BCL2: variants seen among roughly 807,000 people sequenced by gnomAD.
BCL2 encodes apoptosis regulator Bcl-2.
BCL2 carries 1 observed loss-of-function variant against 14.2 expected under a neutral mutation model. The ratio of observed to expected loss-of-function variants is 0.07; its 90% CI spans 0.02 to 0.33. The LOEUF (loss-of-function observed/expected upper bound fraction) is 0.33, where lower values mean the gene tolerates loss of function less well. Among genes scored for constraint, BCL2 ranks in the 10% least tolerant of loss-of-function variants. BCL2 has a pLI of 0.99. For synonymous variants in BCL2, 151 were observed against 137.2 expected, an observed-to-expected ratio of 1.10 and a Z score of -0.70; for missense variants, 247 against 305.9, an observed-to-expected ratio of 0.81 and a Z score of 1.44.
intron 2 of BCL2, among the ~76,000 whole-genome samples, chr18:63,296,531 T>C (rs1009441051): frequency 1.3e-5 from 2 of 152,208 alleles, no homozygotes; most frequent in East Asian, 3.9e-4. Context: ...CTTGAACACC[T>C]GGGCTCAAGT....
chr18:63,243,303 G>C (rs1911063906), intron 2 of BCL2, among the ~76,000 whole-genome samples: 1 of 152,144 alleles, frequency 6.6e-6, no homozygotes, highest in African/African-American at 2.4e-5. Context: ...ATTAGTGGGA[G>C]CTAACTGATG....
chr18:63,239,879 G>GA, intron 2 of BCL2, among the ~76,000 whole-genome samples: 1 of 152,194 alleles, frequency 6.6e-6, no homozygotes, highest in Non-Finnish European at 1.5e-5. Context: ...AGGGAAATGG[G>GA]AACTTACCAA....
In BCL2 at chr18:63,254,586, G is replaced by T. The variant is rs186617611; in HGVS notation, c.585+63496C>A. Among the ~76,000 whole-genome samples, 8 of 151,846 alleles carry T rather than the reference G, an allele frequency of 5.3e-5. No homozygotes were observed. The East Asian group carries it at 1.4e-3, about 26-fold the overall frequency. On this transcript the variant is annotated intron_variant, in intron 2 of 2. Coordinates refer to ENST00000333681, the MANE Select transcript of BCL2 (RefSeq NM_000633.3). ...AAAAAATGGAATTCCTTCTTCTTCTGATGAGTGCTTCTCATCATTGGGGTC... is the reference window on the plus strand; with the variant it reads ...AAAAAATGGAATTCCTTCTTCTTCTTATGAGTGCTTCTCATCATTGGGGTC...
In BCL2 at chr18:63,180,157, C is replaced by G. The variant is rs147955892; in HGVS notation, c.586-51398G>C. On this transcript the variant is annotated intron_variant, in intron 2 of 2. Coordinates refer to ENST00000333681, the MANE Select transcript of BCL2 (RefSeq NM_000633.3). ...CCTCCCTTCTTCTCCCTTCCAAACC[C>G]ACTACACATGCCTAGCTGATATTTT... 7.1e-3 allele frequency among the ~76,000 whole-genome samples: 1,081 copies of G among 152,330 alleles called. 5 individuals carry two copies. The highest frequency in any genetic ancestry group is 0.017 in the Middle Eastern group (5 of 294).
At chr18:63,259,090 C>T (rs1197248238) in intron 2 of BCL2, among the ~76,000 whole-genome samples, 2 of 152,080 alleles carry the variant, frequency 1.3e-5, no homozygotes, top group Admixed American at 6.5e-5. Context: ...GGAGGATCTT[C>T]GCACTGTGGT....
intron 2 of BCL2, among the ~76,000 whole-genome samples, chr18:63,155,587 C>T (rs1348883150): frequency 6.6e-6 from 1 of 152,120 alleles, no homozygotes; most frequent in Non-Finnish European, 1.5e-5. Flanking sequence ...TTCTGCTGCT[C>T]TCTGCTTCCC....
chr18:63,129,009 CTA>C (rs1913990873), intron 2 of BCL2, among the ~76,000 whole-genome samples: 1 of 152,202 alleles, frequency 6.6e-6, no homozygotes, highest in South Asian at 2.1e-4. Flanking sequence ...ATAAAATAGA[CTA>C]AAAGTTCCTA....
Position 63,318,767 on chromosome 18 carries a change from T to C in BCL2, c.-101A>G. 6.5e-7 allele frequency: 1 copy of C among 1,539,094 alleles called. No homozygotes were observed. Among genetic ancestry groups the C allele is most frequent in the Non-Finnish European group, 8.7e-7 (1 of 1,145,634 alleles). ...AAGAGGAGTTATAATCCAGCTATTT[T>C]ATTGGATGTGCTTTGCATTCTTGGA... On this transcript the variant is annotated 5_prime_UTR_variant, in exon 2 of 3. In the 5' UTR this introduces an upstream ATG that the reference lacks. Coordinates refer to ENST00000333681, the MANE Select transcript of BCL2 (RefSeq NM_000633.3). This position sits in a 1 kb window ranked among gnomAD's most constrained non-coding sequence, Gnocchi z 7.4.
intron 2 of BCL2, among the ~76,000 whole-genome samples, chr18:63,211,754 C>A (rs933288920): frequency 6.6e-6 from 1 of 152,218 alleles, no homozygotes; most frequent in Non-Finnish European, 1.5e-5. Flanking sequence ...CCTACTGTGG[C>A]TGCAAGCTGT....
At chr18:63,189,673 C>T (rs1490280087) in intron 2 of BCL2, among the ~76,000 whole-genome samples, 1 of 151,924 alleles carries the variant, frequency 6.6e-6, no homozygotes, top group African/African-American at 2.4e-5. Flanking sequence ...CGAATTATAC[C>T]TGGGAAAACG....
In BCL2 at chr18:63,286,687, A is replaced by G. The variant is rs75103376; in HGVS notation, c.585+31395T>C. Among the ~76,000 whole-genome samples the G allele has an allele frequency of 1.2e-3, 175 of 152,170 alleles. 2 individuals are homozygous for G. The highest frequency in any genetic ancestry group is 3.8e-3 in the African/African-American group (157 of 41,512). ...AGGTCATTGAAGGGGAGGTAGGAGG[A>G]TTTGGTTTGCGGCAGTTTCCAGGTG... is the stretch of plus-strand genomic sequence containing the variant. On this transcript the variant is annotated intron_variant, in intron 2 of 2. Transcript: ENST00000333681.
intron 2 of BCL2, among the ~76,000 whole-genome samples, chr18:63,261,694 T>C (rs1019334946): frequency 6.6e-6 from 1 of 152,172 alleles, no homozygotes; most frequent in Non-Finnish European, 1.5e-5. Flanking sequence ...AAAAATAAAA[T>C]GTCCTATCCT....
chr18:63,240,419 T>A (rs1910967588), intron 2 of BCL2, among the ~76,000 whole-genome samples: 1 of 152,228 alleles, frequency 6.6e-6, no homozygotes, highest in Admixed American at 6.5e-5. Flanking sequence ...CCTTCTGTCT[T>A]CCCACCCTGA....
At chr18:63,211,692 C>T (rs1910009354) in intron 2 of BCL2, among the ~76,000 whole-genome samples, 1 of 152,138 alleles carries the variant, frequency 6.6e-6, no homozygotes, top group Non-Finnish European at 1.5e-5. Flanking sequence ...TGTGTTGTTG[C>T]TGTGTAGTTC....
chr18:63,300,816 A>G (rs1476394391), intron 2 of BCL2, among the ~76,000 whole-genome samples: 1 of 152,124 alleles, frequency 6.6e-6, no homozygotes, highest in East Asian at 1.9e-4. Flanking sequence ...GAGACTCCTG[A>G]GCTGGTTTTA....
At chr18:63,307,283 T>C (rs1913172616) in intron 2 of BCL2, among the ~76,000 whole-genome samples, 1 of 152,356 alleles carries the variant, frequency 6.6e-6, no homozygotes, top group East Asian at 1.9e-4. Flanking sequence ...GGTTTAGTCA[T>C]GGGTGATGCC....
rs140043422 is a variant in BCL2 at position 63,164,994 on chromosome 18, C to T, written c.586-36235G>A. 3.6e-3 allele frequency among the ~76,000 whole-genome samples: 550 copies of T among 152,250 alleles called. 4 individuals carry two copies. Among genetic ancestry groups the T allele is most frequent in the African/African-American group, 0.012 (515 of 41,536 alleles). On this transcript the variant is annotated intron_variant, in intron 2 of 2. Coordinates refer to ENST00000333681, the MANE Select transcript of BCL2 (RefSeq NM_000633.3). ...CTAGATGACGAGTTAGTTGGTGCAG[C>T]GCACCAGCATGGCACATGTATACAT...
intron 2 of BCL2, among the ~76,000 whole-genome samples, chr18:63,182,752 C>A (rs1000509112): frequency 2.6e-4 from 39 of 152,084 alleles, no homozygotes; most frequent in Admixed American, 2.5e-3. Flanking sequence ...ACATGTAGGA[C>A]AAAAAAATTT....
Position 63,271,318 on chromosome 18 carries a change from C to T in BCL2, c.585+46764G>A, listed in dbSNP as rs577693456. On this transcript the variant is annotated intron_variant, in intron 2 of 2. Coordinates refer to ENST00000333681, the MANE Select transcript of BCL2 (RefSeq NM_000633.3). The stretch of plus-strand genomic sequence containing the variant: ...AACCAATTAAAGGGACATAAATCAT[C>T]ATTAACCCCTTCTCCAGATGAATGA... Among the ~76,000 whole-genome samples the T allele has an allele frequency of 2.0e-5, 3 of 152,158 alleles. No homozygotes were observed. The South Asian group carries it at 6.2e-4, about 31-fold the overall frequency.
Sources: gnomAD v4.1 joint callset for allele counts (sites outside exome capture counted in the v4.1 genomes callset) on GRCh38, gnomAD v4.1.1 for gene constraint, Gnocchi (gnomAD v3.1) non-coding constraint, MANE v1.5 for transcripts, NCBI Gene and HGNC (gene_info 2026-07-23, HGNC 2026-07-21) for gene names.